Variants in UST observed in about 807,000 individuals in gnomAD.
The protein encoded by UST is uronyl 2-sulfotransferase.
A neutral mutation model predicts 45.6 loss-of-function variants in UST; 21 were observed. The observed-to-expected ratio is 0.46, with a 90% confidence interval of 0.33 to 0.66. The LOEUF (loss-of-function observed/expected upper bound fraction) is 0.66. Ranked by LOEUF, UST falls within the 30% of genes least tolerant of loss-of-function variation. The pLI, the probability that UST is intolerant of heterozygous loss-of-function variation, is 0.02. For missense variants in UST, 463 were observed against 512.4 expected (o/e 0.90, Z 0.93); for synonymous variants, 215 against 200.6 (o/e 1.07, Z -0.61).
chr6:148,984,099 C>T (rs1582942997), intron 5 of UST, among the ~76,000 whole-genome samples: 3 of 152,338 alleles, frequency 2.0e-5, no homozygotes, highest in Non-Finnish European at 2.9e-5. Flanking sequence ...TTATTATATA[C>T]ATCATGTGCA....
chr6:148,756,344 CTG>C (rs1776099239), intron 1 of UST, among the ~76,000 whole-genome samples: 1 of 152,170 alleles, frequency 6.6e-6, no homozygotes, highest in South Asian at 2.1e-4. Flanking sequence ...CCATGTGGAA[CTG>C]TGAGTCAATT....
At chr6:148,948,954 C>A (rs1243404847) in intron 3 of UST, among the ~76,000 whole-genome samples, 2 of 152,040 alleles carry the variant, frequency 1.3e-5, no homozygotes, top group Non-Finnish European at 2.9e-5. Flanking sequence ...ACCAATGCAG[C>A]CTTTTGTGCC....
At chr6:149,031,928 G>A (rs964715865) in intron 7 of UST, among the ~76,000 whole-genome samples, 8 of 152,326 alleles carry the variant, frequency 5.3e-5, no homozygotes, top group African/African-American at 1.9e-4. Context: ...GTGGAAGGAG[G>A]CATTTTAATA....
In UST at chr6:148,748,437, G is replaced by A. The variant is rs1273775495; in HGVS notation, c.247+760G>A. 1.5e-5 allele frequency among the ~76,000 whole-genome samples: 2 copies of A among 133,804 alleles called. No homozygotes were observed. The highest frequency in any genetic ancestry group is 5.2e-5 in the African/African-American group (2 of 38,396). The allele number at this position is 133,804 out of a possible 152,430, so 87.8% of individuals were successfully genotyped here. ...TGTGTGTGTGTGTGTGTGTGTGTGT[G>A]TGTGTGTGTGTGTGTGGTTTATTAG... On this transcript the variant is annotated intron_variant, in intron 1 of 7. Transcript: ENST00000367463. This position sits in a 1 kb window ranked among gnomAD's most constrained non-coding sequence, Gnocchi z 5.3.
At chr6:148,793,631 A>C (rs1342905789) in intron 1 of UST, among the ~76,000 whole-genome samples, 1 of 152,208 alleles carries the variant, frequency 6.6e-6, no homozygotes, top group African/African-American at 2.4e-5. Context: ...AGTGCACTAC[A>C]TCACAATGGC....
At chr6:148,764,667 C>T (rs972086220) in intron 1 of UST, among the ~76,000 whole-genome samples, 1 of 152,108 alleles carries the variant, frequency 6.6e-6, no homozygotes, top group Non-Finnish European at 1.5e-5. Context: ...AGCTGTAAAA[C>T]CAGCAAGTTT....
chr6:148,758,349 T>A (rs1159519989), intron 1 of UST, among the ~76,000 whole-genome samples: 1 of 152,222 alleles, frequency 6.6e-6, no homozygotes, highest in African/African-American at 2.4e-5. Context: ...TGACACATTT[T>A]TTGCACAGCC....
chr6:149,055,885 G>A (rs1481625870), intron 7 of UST, among the ~76,000 whole-genome samples: 1 of 152,146 alleles, frequency 6.6e-6, no homozygotes, highest in Non-Finnish European at 1.5e-5. Flanking sequence ...GGCCATGAAA[G>A]TTCAGCTCAA....
chr6:149,027,400 A>G (rs1776065329), intron 7 of UST, among the ~76,000 whole-genome samples: 1 of 152,238 alleles, frequency 6.6e-6, no homozygotes, highest in Non-Finnish European at 1.5e-5. Context: ...GGGTCTGCCC[A>G]TATGACCAGG....
chr6:148,796,552 A>G (rs1776951187), intron 1 of UST, among the ~76,000 whole-genome samples: 1 of 133,472 alleles, frequency 7.5e-6, no homozygotes, highest in Non-Finnish European at 1.5e-5. Flanking sequence ...TGAACCTGGG[A>G]GGCGGAGGTT....
At chr6:148,842,578 C>G (rs1777910264) in intron 1 of UST, among the ~76,000 whole-genome samples, 1 of 152,088 alleles carries the variant, frequency 6.6e-6, no homozygotes, top group Non-Finnish European at 1.5e-5. Flanking sequence ...GTACAGAGCC[C>G]GAAGGAAGGT....
intron 1 of UST, among the ~76,000 whole-genome samples, chr6:148,834,319 A>T (rs1181086446): frequency 6.6e-6 from 1 of 152,244 alleles, no homozygotes; most frequent in Admixed American, 6.5e-5. Flanking sequence ...CTTAGATACC[A>T]GTAGGTAACC....
In UST at chr6:148,826,996, C is replaced by T. The variant is rs1348597218; in HGVS notation, c.248-59990C>T. On this transcript the variant is annotated intron_variant, in intron 1 of 7. Coordinates refer to ENST00000367463, the MANE Select transcript of UST (RefSeq NM_005715.3). Reference sequence around the variant, plus strand: ...GATAATCTCCTGAAGTCTCTTTTGCCATGCAAGGTAATACATTCACAGGTT... The same window carrying T: ...GATAATCTCCTGAAGTCTCTTTTGCTATGCAAGGTAATACATTCACAGGTT... 3.3e-5 allele frequency among the ~76,000 whole-genome samples: 5 copies of T among 152,050 alleles called. No individual in the cohort carries two copies. In the South Asian group the frequency reaches 8.3e-4, roughly 25 times the overall value.
chr6:148,924,264 G>A (rs766743678), intron 2 of UST, among the ~76,000 whole-genome samples: 5 of 152,082 alleles, frequency 3.3e-5, no homozygotes, highest in African/African-American at 4.8e-5. Flanking sequence ...CTTGCTCTAG[G>A]CCCTTCTCTG....
At chr6:149,033,554 G>A (rs189697338) in intron 7 of UST, among the ~76,000 whole-genome samples, 1 of 152,274 alleles carries the variant, frequency 6.6e-6, no homozygotes, top group African/African-American at 2.4e-5. Context: ...GGTTTCTTGT[G>A]GGTTCTAGTA....
chr6:148,876,095 T>C (rs1400465876), intron 1 of UST, among the ~76,000 whole-genome samples: 1 of 152,168 alleles, frequency 6.6e-6, no homozygotes, highest in Non-Finnish European at 1.5e-5. Context: ...GAAAGTATGG[T>C]GCTGGCATCT....
chr6:148,895,385 A>G (rs1779107514), intron 2 of UST, among the ~76,000 whole-genome samples: 2 of 152,218 alleles, frequency 1.3e-5, no homozygotes, highest in South Asian at 4.1e-4. Context: ...GAAGAGAGAG[A>G]TCCTGTTGCC....
At chr6:148,896,536 G>C (rs925237643) in intron 2 of UST, among the ~76,000 whole-genome samples, 4 of 152,226 alleles carry the variant, frequency 2.6e-5, no homozygotes, top group South Asian at 2.1e-4. Flanking sequence ...GATTTTCTTT[G>C]AAAAACAAAG....
chr6:148,911,964 A>AG (rs946880802), intron 2 of UST, among the ~76,000 whole-genome samples: 29 of 152,306 alleles, frequency 1.9e-4, no homozygotes, highest in Admixed American at 9.2e-4. Context: ...TGTGAGACTA[A>AG]GGGGGGCAGA....
Sources: allele counts gnomAD v4.1 joint callset (sites outside exome capture counted in the v4.1 genomes callset), GRCh38; gene constraint gnomAD v4.1.1; non-coding constraint Gnocchi (gnomAD v3.1); transcripts MANE v1.5; gene names NCBI Gene and HGNC (gene_info 2026-07-23, HGNC 2026-07-21).